Variants in ZNF844 observed in about 807,000 individuals in gnomAD.
ZNF844 encodes the protein zinc finger protein 844.
In ZNF844, 11 loss-of-function variants were observed where a neutral mutation model predicts 11.4. The observed-to-expected ratio is 0.97, with a 90% confidence interval of 0.61 to 1.60. The LOEUF (loss-of-function observed/expected upper bound fraction) is 1.60. Among genes scored for constraint, ZNF844 ranks in the 40% most tolerant of loss-of-function variants. The pLI is 0.00. For missense variants in ZNF844, 790 were observed against 796.8 expected (o/e 0.99, Z 0.10); for synonymous variants, 248 against 260.3 (o/e 0.95, Z 0.46).
At position 12,066,598 on chromosome 19, in the gene ZNF844, G is replaced by A. The variant is rs111827291; in HGVS notation, c.3+1722G>A. On this transcript the variant is annotated intron_variant, in intron 1 of 3. Coordinates refer to ENST00000439326, the MANE Select transcript of ZNF844 (RefSeq NM_001136501.3). Reference sequence around the variant, plus strand: ...GGCTCCCTCTGTCGCCCAGACTGGAGTGCAGTGACGCGATCTCGGCTCACT... The same window carrying A: ...GGCTCCCTCTGTCGCCCAGACTGGAATGCAGTGACGCGATCTCGGCTCACT... 8.8e-3 allele frequency among the ~76,000 whole-genome samples: 1,251 copies of A among 142,744 alleles called. 18 individuals are homozygous for A. The highest frequency in any genetic ancestry group is 0.031 in the African/African-American group (1,187 of 37,978). 93.6% of individuals were successfully genotyped at this position (142,744 alleles called of 152,430 possible).
At chr19:12,071,555 A>G (rs1224431329) in intron 1 of ZNF844, among the ~76,000 whole-genome samples, 1 of 152,226 alleles carries the variant, frequency 6.6e-6, no homozygotes, top group African/African-American at 2.4e-5. Context: ...AAAGCACTCA[A>G]TAACCACTAA....
intron 1 of ZNF844, among the ~76,000 whole-genome samples, chr19:12,067,958 A>ACG (rs879923038): frequency 8.5e-6 from 1 of 117,556 alleles, no homozygotes; most frequent in Non-Finnish European, 1.7e-5. Context: ...GAAAGAAGGA[A>ACG]AGAAGGAAGG....
At chr19:12,074,568 T>C (rs575152898) in intron 3 of ZNF844, 147 bp downstream of exon 3, 29 of 706,358 alleles carry the variant, frequency 4.1e-5, no homozygotes, top group Non-Finnish European at 6.7e-5. Context: ...TACATTTAAA[T>C]GTGATCTAGG....
intron 1 of ZNF844, among the ~76,000 whole-genome samples, chr19:12,068,355 C>T (rs577663536): frequency 5.9e-4 from 90 of 152,022 alleles, no homozygotes; most frequent in African/African-American, 2.4e-4. Flanking sequence ...AGGCTGGGTG[C>T]GGTGGCTCAC....
intron 1 of ZNF844, among the ~76,000 whole-genome samples, chr19:12,068,263 C>T (rs1308875064): frequency 6.6e-6 from 1 of 152,108 alleles, no homozygotes; most frequent in Admixed American, 6.5e-5. Flanking sequence ...GAGGCATGAT[C>T]ATGCCACTGG....
rs1975885653 is a variant in ZNF844, at chr19:12,080,502, A to G, written c.*3381A>G. ...ATCAGTCACATTTTAGAGGCACCAA[A>G]CAGGTGCCACATCCATACAGGCTGA... On this transcript the variant is annotated 3_prime_UTR_variant, in exon 4 of 4. Transcript: ENST00000439326. 4.3e-6 allele frequency: 1 copy of G among 232,442 alleles called. No homozygotes were observed. Among genetic ancestry groups the G allele is most frequent in the East Asian group, 1.6e-4 (1 of 6,362 alleles). 14.4% of individuals were successfully genotyped at this position (232,442 alleles called of 1,614,324 possible).
rs980796288 is a variant in ZNF844, at chr19:12,076,234, C to G, written c.1114C>G (p.Pro372Ala). 1 of 1,606,576 alleles carries G rather than the reference C, an allele frequency of 6.2e-7. No homozygotes were observed. The highest frequency in any genetic ancestry group is 1.1e-5 in the South Asian group (1 of 90,344). Residue 372 changes from proline to alanine, a missense_variant, in exon 4 of 4, where the codon CCT becomes GCT. Transcript: ENST00000439326. Reference protein sequence around the residue: ...RPYKCKTVEKPLILPVRFEDM... With the variant: ...RPYKCKTVEKALILPVRFEDM... The stretch of plus-strand genomic sequence containing the variant: ...TTATAAATGTAAGACTGTGGAAAAG[C>G]CTTTGATTCTCCCAGTTCGTTTTGA...
intron 1 of ZNF844, among the ~76,000 whole-genome samples, chr19:12,065,667 G>A (rs950651250): frequency 7.0e-6 from 1 of 143,430 alleles, no homozygotes; most frequent in Non-Finnish European, 1.5e-5. Context: ...ACAGAGTCTC[G>A]CTCTTTTTTG....
rs1025113811 is a variant in ZNF844, at chr19:12,076,552, G to A, written c.1432G>A (p.Val478Ile). 3 of 1,607,162 alleles carry A rather than the reference G, an allele frequency of 1.9e-6. No homozygotes were observed. Among genetic ancestry groups the A allele is most frequent in the Non-Finnish European group, 2.5e-6 (3 of 1,177,450 alleles). Reference sequence around the variant, plus strand: ...CACACTCAAGAGAAACCCTATGAATGTAAGCAGTGTGGTAAAGCCTTCATT... The same window carrying A: ...CACACTCAAGAGAAACCCTATGAATATAAGCAGTGTGGTAAAGCCTTCATT... ...GLTLKRNPMN[V>I]SSVVKPSFFP... is the part of the protein sequence containing the mutation. The change falls in exon 4 of 4, where the codon GTA (valine) becomes ATA (isoleucine). Residue 478 changes from valine (V) to isoleucine (I), a missense_variant. By Grantham distance (29) the Val-to-Ile change is conservative (BLOSUM62 3). Coordinates refer to ENST00000439326, the MANE Select transcript of ZNF844 (RefSeq NM_001136501.3).
intron 1 of ZNF844, among the ~76,000 whole-genome samples, chr19:12,069,234 ATGCAGTGG>A (rs1034125241): frequency 1.4e-4 from 20 of 141,944 alleles, no homozygotes; most frequent in Non-Finnish European, 2.4e-4. Flanking sequence ...CCAGGCTGGA[ATGCAGTGG>A]TGTGATCTCG....
chr19:12,072,771 G>C (rs1975765152), intron 1 of ZNF844, among the ~76,000 whole-genome samples: 1 of 151,990 alleles, frequency 6.6e-6, no homozygotes, highest in African/African-American at 2.4e-5. Flanking sequence ...TTTTAGTAGA[G>C]ACAGGGTTTC....
At chr19:12,069,179 C>CGGT (rs1975724684) in intron 1 of ZNF844, among the ~76,000 whole-genome samples, 2 of 120,866 alleles carry the variant, frequency 1.7e-5, no homozygotes, top group African/African-American at 3.4e-5. Context: ...TCTTTTATTC[C>CGGT]TTTTTTTTTT....
In ZNF844 at chr19:12,077,214, G is replaced by T; in HGVS notation, c.*93G>T. Reference sequence around the variant, plus strand: ...GATTCACACTGGAGAGAAACCCTATGAGTGTAAGCAGTGTGGTAAAGCCTT... The same window carrying T: ...GATTCACACTGGAGAGAAACCCTATTAGTGTAAGCAGTGTGGTAAAGCCTT... On this transcript the variant is annotated 3_prime_UTR_variant, in exon 4 of 4. Coordinates refer to ENST00000439326, the MANE Select transcript of ZNF844 (RefSeq NM_001136501.3). 1.3e-6 allele frequency: 2 copies of T among 1,592,366 alleles called. No individual in the cohort carries two copies. Among genetic ancestry groups the T allele is most frequent in the Non-Finnish European group, 1.7e-6 (2 of 1,164,892 alleles).
intron 1 of ZNF844, among the ~76,000 whole-genome samples, chr19:12,066,848 A>T (rs906444889): frequency 6.6e-6 from 1 of 151,966 alleles, no homozygotes; most frequent in African/African-American, 2.4e-5. Context: ...GCCCGGCCAA[A>T]TGTCTTCTAA....
intron 1 of ZNF844, among the ~76,000 whole-genome samples, chr19:12,069,575 ATTT>A (rs111579049): frequency 6.9e-6 from 1 of 145,518 alleles, no homozygotes. Context: ...CCAAAAAGGA[ATTT>A]TTTTTTTTTT....
chr19:12,071,752 T>G (rs1353705150), intron 1 of ZNF844, among the ~76,000 whole-genome samples: 1 of 151,998 alleles, frequency 6.6e-6, no homozygotes, highest in Non-Finnish European at 1.5e-5. Flanking sequence ...AAATTAACAT[T>G]TATTAGCTTT....
In ZNF844 at chr19:12,074,344, C is replaced by T. The variant is rs1285565794; in HGVS notation, c.131-17C>T. On this transcript the variant is annotated splice_polypyrimidine_tract_variant and intron_variant, in intron 2 of 3. Coordinates refer to ENST00000439326, the MANE Select transcript of ZNF844 (RefSeq NM_001136501.3). Reference sequence around the variant, plus strand: ...TTTATTTTAATTCAGGATTCTTTTTCTGATTCTGTATTTTAGGAGAAAAAT... The same window carrying T: ...TTTATTTTAATTCAGGATTCTTTTTTTGATTCTGTATTTTAGGAGAAAAAT... 2 of 1,513,476 alleles carry T rather than the reference C, an allele frequency of 1.3e-6. No individual in the cohort carries two copies. Among genetic ancestry groups the T allele is most frequent in the South Asian group, 1.3e-5 (1 of 77,928 alleles). The allele number at this position is 1,513,476 out of a possible 1,614,324, so 93.8% of individuals were successfully genotyped here.
Position 12,079,608 on chromosome 19 carries a change from AG to A in ZNF844, c.*2488del, listed in dbSNP as rs1305924774. On this transcript the variant is annotated 3_prime_UTR_variant, in exon 4 of 4. Transcript: ENST00000439326. ...AGGAGCTGGATGTTGCAGTGACCCG[AG>A]ATTACGCCACTGTACCCCAGCAGAG... is the stretch of plus-strand genomic sequence containing the variant. 4.2e-4 allele frequency: 64 copies of A among 151,516 alleles called. No individual in the cohort carries two copies. The highest frequency in any genetic ancestry group is 1.2e-3 in the African/African-American group (48 of 41,070). 9.4% of individuals were successfully genotyped at this position (151,516 alleles called of 1,614,324 possible).
At position 12,081,499 on chromosome 19, in the gene ZNF844, C is replaced by T. The variant is rs1019376960; in HGVS notation, c.*4378C>T. The T allele has an allele frequency of 3.9e-5, 6 of 152,158 alleles. No individual in the cohort carries two copies. Among genetic ancestry groups the T allele is most frequent in the African/African-American group, 1.4e-4 (6 of 41,430 alleles). The allele number at this position is 152,158 out of a possible 1,614,324, so 9.4% of individuals were successfully genotyped here. A position where few individuals can be genotyped will look rare whatever the true frequency, so the allele number is the denominator to read the frequency against. ...AGTTGAACTTTTCCACAACTGTATA[C>T]TGACAAACATTATTCTTTCTTAATT... On this transcript the variant is annotated 3_prime_UTR_variant, in exon 4 of 4. Transcript: ENST00000439326.
Sources: allele counts gnomAD v4.1 joint callset (sites outside exome capture counted in the v4.1 genomes callset), GRCh38; gene constraint gnomAD v4.1.1; transcripts MANE v1.5; gene names NCBI Gene and HGNC (gene_info 2026-07-23, HGNC 2026-07-21).